Variants in RTL4 observed in about 807,000 individuals in gnomAD.
The protein encoded by RTL4 is retrotransposon Gag-like protein 4.
A neutral mutation model predicts 5.3 loss-of-function variants in RTL4; 4 were observed. That is an observed-to-expected ratio of 0.75 (90% confidence interval 0.37 to 1.72). The LOEUF (loss-of-function observed/expected upper bound fraction) is 1.72. Ranked by LOEUF, RTL4 falls within the 40% of genes most tolerant of loss-of-function variation. The probability of loss-of-function intolerance (pLI) is 0.04; values close to 1 mark genes in which losing one functional copy is unlikely to be tolerated. For synonymous variants in RTL4, 98 were observed against 87.3 expected (o/e 1.12, Z -0.68); for missense variants, 260 against 227.1 (o/e 1.14, Z -0.93).
the RTL4 span, among the ~76,000 whole-genome samples, chrX:112,331,630 C>G: frequency 9.3e-6 from 1 of 107,686 alleles, no homozygotes; most frequent in African/African-American, 3.4e-5. Context: ...ACTAGAAATA[C>G]CATTTGACCC....
chrX:112,152,080 T>A, the RTL4 span, among the ~76,000 whole-genome samples: 1 of 111,748 alleles, frequency 8.9e-6, no homozygotes, highest in Admixed American at 9.5e-5. Flanking sequence ...ACCGGGATAC[T>A]TTCTTCTGTA....
the RTL4 span, among the ~76,000 whole-genome samples, chrX:112,130,465 G>A: frequency 1.8e-5 from 2 of 109,854 alleles, no homozygotes; most frequent in African/African-American, 6.6e-5. Flanking sequence ...TTGTAATGAT[G>A]TATTTCTTAC....
At chrX:112,393,504 T>C in the RTL4 span, among the ~76,000 whole-genome samples, 2 of 110,998 alleles carry the variant, frequency 1.8e-5, no homozygotes, top group Admixed American at 1.9e-4. Context: ...AGAACATCAA[T>C]AGGGGTGGCT....
At chrX:112,233,917 A>C in the RTL4 span, among the ~76,000 whole-genome samples, 7 of 111,648 alleles carry the variant, frequency 6.3e-5, no homozygotes, top group African/African-American at 2.3e-4. Flanking sequence ...TAAGGCCGGG[A>C]GTGGTGGGCT....
the RTL4 span, among the ~76,000 whole-genome samples, chrX:112,377,417 A>C: frequency 8.9e-6 from 1 of 112,067 alleles, no homozygotes; most frequent in Non-Finnish European, 1.9e-5. Context: ...TATACTTTAG[A>C]CTATCAGTTG....
At chrX:112,339,293 T>C in the RTL4 span, among the ~76,000 whole-genome samples, 7 of 111,961 alleles carry the variant, frequency 6.3e-5, no homozygotes, top group African/African-American at 2.3e-4. Context: ...ATGAGTACAC[T>C]TCTGAGAGTG....
the RTL4 span, among the ~76,000 whole-genome samples, chrX:112,254,677 G>T: frequency 9.1e-6 from 1 of 109,960 alleles, no homozygotes; most frequent in African/African-American, 3.3e-5. Context: ...GGGGCGGGGG[G>T]CATTAAGAAG....
chrX:112,425,209 G>A, the RTL4 span, among the ~76,000 whole-genome samples: 17 of 111,073 alleles, frequency 1.5e-4, no homozygotes, highest in Non-Finnish European at 2.8e-4. Flanking sequence ...TTGACTTCTT[G>A]CACTTTGTAA....
At chrX:112,408,737 A>G in the RTL4 span, among the ~76,000 whole-genome samples, 707 of 112,215 alleles carry the variant, frequency 6.3e-3, 4 homozygotes, top group African/African-American at 0.022. Flanking sequence ...CCCAAAGGTA[A>G]AAGATAAAGA....
chrX:112,220,896 TC>T, the RTL4 span, among the ~76,000 whole-genome samples: 1 of 111,913 alleles, frequency 8.9e-6, no homozygotes, highest in Non-Finnish European at 1.9e-5. Flanking sequence ...TTCCAAACTT[TC>T]CCCCATCTTC....
At chrX:112,207,920 A>G in the RTL4 span, among the ~76,000 whole-genome samples, 5 of 110,737 alleles carry the variant, frequency 4.5e-5, no homozygotes, top group African/African-American at 1.6e-4. Flanking sequence ...CTCATTCTAA[A>G]TATATATTTA....
chrX:112,104,917 T>C, the RTL4 span, among the ~76,000 whole-genome samples: 1 of 112,028 alleles, frequency 8.9e-6, no homozygotes, highest in Non-Finnish European at 1.9e-5. Context: ...CTGTGTATGT[T>C]AGATTTTGTT....
the RTL4 span, among the ~76,000 whole-genome samples, chrX:112,275,593 A>G: frequency 9.0e-6 from 1 of 111,676 alleles, no homozygotes; most frequent in Admixed American, 9.5e-5. Flanking sequence ...AACGAGTATC[A>G]GTCTCACCGG....
chrX:112,271,585 C>T, the RTL4 span, among the ~76,000 whole-genome samples: 2 of 111,848 alleles, frequency 1.8e-5, no homozygotes, highest in Admixed American at 1.9e-4. Flanking sequence ...ATACATAATT[C>T]CTGCCCTTGA....
At chrX:112,324,639 G>C in the RTL4 span, among the ~76,000 whole-genome samples, 1 of 110,914 alleles carries the variant, frequency 9.0e-6, no homozygotes, top group South Asian at 3.8e-4. Context: ...TCTATGTTTT[G>C]AATGTTGTGT....
the RTL4 span, among the ~76,000 whole-genome samples, chrX:112,300,372 TCAA>T: frequency 2.7e-5 from 3 of 112,642 alleles, no homozygotes; most frequent in Non-Finnish European, 5.6e-5. Context: ...TGTTCAATAT[TCAA>T]CAATTCATTA....
chrX:112,293,943 G>A, the RTL4 span, among the ~76,000 whole-genome samples: 3 of 111,549 alleles, frequency 2.7e-5, no homozygotes, highest in African/African-American at 6.5e-5. Context: ...GTATGAAATA[G>A]CAAGTGCTCA....
chrX:112,178,034 G>T, the RTL4 span, among the ~76,000 whole-genome samples: 1 of 108,677 alleles, frequency 9.2e-6, no homozygotes, highest in East Asian at 2.9e-4. Flanking sequence ...CCCCAGTCTA[G>T]ACTGTCCCAT....
the RTL4 span, among the ~76,000 whole-genome samples, chrX:112,357,319 A>G: frequency 7.5e-3 from 829 of 110,602 alleles, 10 homozygotes; most frequent in African/African-American, 0.026. Context: ...GATTTGGATC[A>G]CCTGCTCACT....
Sources: allele counts gnomAD v4.1 joint callset (sites outside exome capture counted in the v4.1 genomes callset), GRCh38; gene constraint gnomAD v4.1.1; transcripts MANE v1.5; gene names NCBI Gene and HGNC (gene_info 2026-07-23, HGNC 2026-07-21).